ZNF431: variants seen among roughly 807,000 people sequenced by gnomAD.
The protein encoded by ZNF431 is zinc finger protein 431.
A neutral mutation model predicts 57.0 loss-of-function variants in ZNF431; 34 were observed. That is an observed-to-expected ratio of 0.60 (90% CI 0.45 to 0.79). ZNF431 has a LOEUF of 0.79. ZNF431 is among the 30% of genes least tolerant of loss of function. The pLI is 0.00. For synonymous variants in ZNF431, 207 were observed against 220.3 expected (o/e 0.94, Z 0.54); for missense variants, 607 against 667.1 (o/e 0.91, Z 0.99).
At position 21,162,144 on chromosome 19, in the gene ZNF431, T is replaced by TTGTGTGTG. The variant is rs749424799; in HGVS notation, c.97-4157_97-4150dup. Among the ~76,000 whole-genome samples the TTGTGTGTG allele has an allele frequency of 2.0e-3, 131 of 66,164 alleles. 2 individuals are homozygous for TTGTGTGTG. Among genetic ancestry groups the TTGTGTGTG allele is most frequent in the African/African-American group, 4.9e-3 (125 of 25,398 alleles). 43.4% of individuals were successfully genotyped at this position (66,164 alleles called of 152,430 possible). The stretch of plus-strand genomic sequence containing the variant: ...GGTGCCTGTCACCACATCCAGCTAA[T>TTGTGTGTG]TGTGTGTGTGTGTGTGTGTGTGTGT... On this transcript the variant is annotated intron_variant, in intron 2 of 4. Coordinates refer to ENST00000311048, the MANE Select transcript of ZNF431 (RefSeq NM_133473.4).
At chr19:21,155,340 G>A (rs1433536129) in intron 2 of ZNF431, among the ~76,000 whole-genome samples, 2 of 152,126 alleles carry the variant, frequency 1.3e-5, no homozygotes, top group Non-Finnish European at 2.9e-5. Context: ...TAGATATGCA[G>A]CATTATTTCT....
chr19:21,167,660 C>T lies in ZNF431; in HGVS notation c.313C>T (p.Pro105Ser). The change falls in exon 4 of 5, where the codon CCC (proline) becomes TCC (serine). Residue 105 changes from proline to serine, a missense_variant. Physicochemically the swap from Pro to Ser is moderately conservative, Grantham distance 74 (BLOSUM62 -1). Coordinates refer to ENST00000311048, the MANE Select transcript of ZNF431 (RefSeq NM_133473.4). ...NMKRHEMVDEPPAMCSYFTKD... is the reference protein window; with the variant it reads ...NMKRHEMVDESPAMCSYFTKD... ...GAAGAGACATGAGATGGTGGATGAA[C>T]CCCCAGGTAGGTGAGAGTGAAAAAA... The T allele has an allele frequency of 6.4e-7, 1 of 1,562,908 alleles. No individual in the cohort carries two copies. The highest frequency in any genetic ancestry group is 8.7e-7 in the Non-Finnish European group (1 of 1,153,076).
chr19:21,142,062 C>G lies in ZNF431; in HGVS notation c.-122C>G. 5.2e-6 allele frequency: 7 copies of G among 1,333,862 alleles called. No homozygotes were observed. The highest frequency in any genetic ancestry group is 7.4e-6 in the Non-Finnish European group (7 of 941,500). 82.6% of individuals were successfully genotyped at this position (1,333,862 alleles called of 1,614,324 possible). On this transcript the variant is annotated 5_prime_UTR_variant, in exon 1 of 5. Coordinates refer to ENST00000311048, the MANE Select transcript of ZNF431 (RefSeq NM_133473.4). ...TTTGTCTCTCGCCGCAGCCTGAGCT[C>G]CAGGTCTCCCCTTCGCTGCTCTGTG...
chr19:21,183,400 A>C lies in ZNF431; in HGVS notation c.1097A>C (p.His366Pro), dbSNP rs1420115134. Residue 366 changes from histidine (H) to proline (P), a missense_variant, in exon 5 of 5, where the codon CAT (histidine) becomes CCT (proline). Physicochemically the swap from His to Pro is moderately conservative, Grantham distance 77. Transcript: ENST00000311048. Reference protein sequence around the residue: ...FSYLTKHKIIHTGEKSYKCEE... With the variant: ...FSYLTKHKIIPTGEKSYKCEE... The stretch of plus-strand genomic sequence containing the variant: ...TACCTTACTAAACATAAGATAATTC[A>C]TACTGGAGAAAAATCTTACAAATGT... 6.2e-7 allele frequency: 1 copy of C among 1,613,660 alleles called. No homozygotes were observed. The highest frequency in any genetic ancestry group is 8.5e-7 in the Non-Finnish European group (1 of 1,179,752).
intron 4 of ZNF431, among the ~76,000 whole-genome samples, chr19:21,171,404 A>G (rs577774591): frequency 1.3e-5 from 2 of 152,186 alleles, no homozygotes; most frequent in South Asian, 2.1e-4. Flanking sequence ...GTTTCTTAAC[A>G]TCAGCTTGTT....
chr19:21,175,740 G>T (rs575267362), intron 4 of ZNF431, among the ~76,000 whole-genome samples: 1 of 152,270 alleles, frequency 6.6e-6, no homozygotes, highest in Admixed American at 6.5e-5. Flanking sequence ...CTCTGTCTTT[G>T]CAAAGTACAT....
At chr19:21,150,755 A>C (rs564958711) in intron 2 of ZNF431, among the ~76,000 whole-genome samples, 2 of 152,328 alleles carry the variant, frequency 1.3e-5, no homozygotes, top group East Asian at 1.9e-4. Flanking sequence ...CATAATTGCC[A>C]TTAGCCATTC....
intron 2 of ZNF431, among the ~76,000 whole-genome samples, chr19:21,153,357 T>G (rs1970329640): frequency 6.6e-6 from 1 of 152,182 alleles, no homozygotes; most frequent in Non-Finnish European, 1.5e-5. Flanking sequence ...TTACTCAGCC[T>G]CTATTCAAAA....
rs111362670 is a variant in ZNF431 at position 21,176,238 on chromosome 19, C to CT, written c.320-6366dup. ...AGTGTTTCTTCTTGTTCTTTGCTCA[C>CT]TTTTTTTTTTTTTTTTTTTGAGACT... On this transcript the variant is annotated intron_variant, in intron 4 of 4. Transcript: ENST00000311048. Among the ~76,000 whole-genome samples, 1,141 of 133,142 alleles carry CT rather than the reference C, an allele frequency of 8.6e-3. 8 individuals carry two copies. Among genetic ancestry groups the CT allele is most frequent in the South Asian group, 0.015 (62 of 4,242 alleles). 87.3% of individuals were successfully genotyped at this position (133,142 alleles called of 152,430 possible). A position where few individuals can be genotyped will look rare whatever the true frequency, so the allele number is the denominator to read the frequency against.
intron 2 of ZNF431, among the ~76,000 whole-genome samples, chr19:21,156,983 G>A (rs1328217004): frequency 6.6e-6 from 1 of 152,006 alleles, no homozygotes; most frequent in African/African-American, 2.4e-5. Context: ...TTGCCATGTT[G>A]CCCAGGGTGG....
At position 21,142,198 on chromosome 19, in the gene ZNF431, G is replaced by C. The variant is rs1353098523; in HGVS notation, c.3+12G>C. 8 of 1,612,896 alleles carry C rather than the reference G, an allele frequency of 5.0e-6. No individual in the cohort carries two copies. The highest frequency in any genetic ancestry group is 1.7e-5 in the Admixed American group (1 of 59,988). ...AAAGCCTAGAAATGGTGAGAGTGCCGGGTCGGACATCCCGAGAGAGGGGAA... is the reference window on the plus strand; with the variant it reads ...AAAGCCTAGAAATGGTGAGAGTGCCCGGTCGGACATCCCGAGAGAGGGGAA... On this transcript the variant is annotated intron_variant, in intron 1 of 4. Coordinates refer to ENST00000311048, the MANE Select transcript of ZNF431 (RefSeq NM_133473.4).
intron 2 of ZNF431, among the ~76,000 whole-genome samples, chr19:21,155,138 G>A (rs1012351345): frequency 6.6e-6 from 1 of 152,100 alleles, no homozygotes; most frequent in African/African-American, 2.4e-5. Context: ...TTCTTCTAGG[G>A]TTTTTATGGT....
chr19:21,166,569 T>A lies in ZNF431; in HGVS notation c.223+108T>A, dbSNP rs115480582. The stretch of plus-strand genomic sequence containing the variant: ...ATGCTTTGTATAAATGAGTTTCTAA[T>A]CCCAGTTTTCAAGAAAATCTTGATG... On this transcript the variant is annotated intron_variant, in intron 3 of 4. Transcript: ENST00000311048. 2,393 of 1,282,820 alleles carry A rather than the reference T, an allele frequency of 1.9e-3. 53 individuals are homozygous for A. The African/African-American group carries it at 0.031, about 16-fold the overall frequency. The allele number at this position is 1,282,820 out of a possible 1,614,324, so 79.5% of individuals were successfully genotyped here.
intron 4 of ZNF431, chr19:21,169,758 T>C (rs1215753598): frequency 1.5e-5 from 6 of 398,480 alleles, no homozygotes; most frequent in Non-Finnish European, 2.2e-5. Context: ...TTTCACTGAA[T>C]ACCAGAGAGG....
chr19:21,167,717 TAA>T (rs113788883), intron 4 of ZNF431, 51 bp downstream of exon 4: 1,577 of 1,086,410 alleles, frequency 1.5e-3, no homozygotes, highest in South Asian at 3.7e-3. Context: ...GTCCAAAGCT[TAA>T]AAAAAAAAAA....
chr19:21,174,896 C>T (rs933891354), intron 4 of ZNF431, among the ~76,000 whole-genome samples: 7 of 152,044 alleles, frequency 4.6e-5, no homozygotes, highest in African/African-American at 1.7e-4. Flanking sequence ...CCTCAGCCTC[C>T]CAAGTAGCTG....
chr19:21,144,881 T>A (rs1970038897), intron 2 of ZNF431, among the ~76,000 whole-genome samples: 2 of 152,352 alleles, frequency 1.3e-5, no homozygotes, highest in African/African-American at 4.8e-5. Flanking sequence ...CCTGTTATCT[T>A]GATTTCTGAG....
intron 4 of ZNF431, 88 bp downstream of exon 4, chr19:21,167,754 T>C: frequency 1.1e-6 from 1 of 891,922 alleles, no homozygotes. Flanking sequence ...CAATGTGTTT[T>C]GGGAAGCTGT....
At chr19:21,165,956 C>T (rs113204620) in intron 2 of ZNF431, among the ~76,000 whole-genome samples, 444 of 152,248 alleles carry the variant, frequency 2.9e-3, no homozygotes, top group African/African-American at 9.9e-3. Flanking sequence ...TCCAGTTTAT[C>T]GTGCACATTT....
Sources: gnomAD v4.1 joint callset for allele counts (sites outside exome capture counted in the v4.1 genomes callset) on GRCh38, gnomAD v4.1.1 for gene constraint, MANE v1.5 for transcripts, NCBI Gene and HGNC (gene_info 2026-07-23, HGNC 2026-07-21) for gene names.